RAPGEF1: variants seen among roughly 807,000 people sequenced by gnomAD.
The protein encoded by RAPGEF1 is Rap guanine nucleotide exchange factor 1, also known as CRK SH3-binding GNRP.
Under a neutral mutation model 143.3 loss-of-function variants are expected in RAPGEF1, and 33 were observed. That is an observed-to-expected ratio of 0.23 (90% CI 0.17 to 0.31). RAPGEF1 has a LOEUF of 0.31. Ranked by LOEUF, RAPGEF1 falls within the 10% of genes least tolerant of loss-of-function variation. The pLI is 1.00. For synonymous variants in RAPGEF1, 629 were observed against 676.5 expected (o/e 0.93, Z 1.09); for missense variants, 1,199 against 1,645.4 (o/e 0.73, Z 4.69).
chr9:131,687,192 CTTTTG>C (rs1267728094), intron 1 of RAPGEF1, among the ~76,000 whole-genome samples: 4 of 151,904 alleles, frequency 2.6e-5, no homozygotes, highest in East Asian at 1.9e-4. Flanking sequence ...TTTTTTTGTT[CTTTTG>C]TTTTATTTTT....
At chr9:131,671,215 ATCCTC>A (rs1350747975) in intron 1 of RAPGEF1, among the ~76,000 whole-genome samples, 1 of 152,224 alleles carries the variant, frequency 6.6e-6, no homozygotes, top group Non-Finnish European at 1.5e-5. Context: ...CAGCAGCTGT[ATCCTC>A]TAAGTCTCCT....
At position 131,587,596 on chromosome 9, in the gene RAPGEF1, T is replaced by C. The variant is rs115777555; in HGVS notation, c.3233+140A>G. 4,376 of 796,534 alleles carry C rather than the reference T, an allele frequency of 5.5e-3. 160 individuals are homozygous for C. The African/African-American group carries it at 0.067, about 12-fold the overall frequency. The allele number at this position is 796,534 out of a possible 1,614,324, so 49.3% of individuals were successfully genotyped here. A position where few individuals can be genotyped will look rare whatever the true frequency, so the allele number is the denominator to read the frequency against. ...CCTGTCCTCAGCCTGTCAGTGCTCA[T>C]GGGAACCCCCAGGAGCTTAGCGGAA... is the stretch of plus-strand genomic sequence containing the variant. On this transcript the variant is annotated intron_variant, in intron 22 of 26. Coordinates refer to ENST00000683357, the MANE Select transcript of RAPGEF1 (RefSeq NM_001377935.1).
At chr9:131,642,848 A>C (rs1436353576) in intron 4 of RAPGEF1, among the ~76,000 whole-genome samples, 1 of 152,230 alleles carries the variant, frequency 6.6e-6, no homozygotes, top group East Asian at 1.9e-4. Context: ...TCTGGCGATG[A>C]GTGGAAACAG....
intron 17 of RAPGEF1, among the ~76,000 whole-genome samples, chr9:131,595,071 G>C (rs561838396): frequency 2.8e-4 from 42 of 152,374 alleles, no homozygotes; most frequent in Non-Finnish European, 5.3e-4. Context: ...ATGCGGGGCA[G>C]GTTTCACACT....
chr9:131,716,848 C>T (rs1436032529), intron 1 of RAPGEF1, among the ~76,000 whole-genome samples: 1 of 152,206 alleles, frequency 6.6e-6, no homozygotes, highest in Admixed American at 6.5e-5. Flanking sequence ...CGTGGATTGG[C>T]ATTCAAGGCC....
Position 131,699,502 on chromosome 9 carries a change from C to T in RAPGEF1, c.61+40268G>A, listed in dbSNP as rs947733165. Among the ~76,000 whole-genome samples the T allele has an allele frequency of 2.2e-4, 34 of 152,298 alleles. No homozygotes were observed. The Middle Eastern group carries it at 0.01, about 46-fold the overall frequency. ...TAGGTGATCCGCCCGCCTCGGCCTC[C>T]CAAAGTGCTGGGATTACAGGCATGA... is the stretch of plus-strand genomic sequence containing the variant. On this transcript the variant is annotated intron_variant, in intron 1 of 26. Transcript: ENST00000683357.
chr9:131,666,490 G>T (rs1208091144), intron 1 of RAPGEF1, among the ~76,000 whole-genome samples: 3 of 152,026 alleles, frequency 2.0e-5, no homozygotes, highest in African/African-American at 7.3e-5. Context: ...GGGTTCAAGT[G>T]ATTCTTCTGC....
At chr9:131,661,586 T>C (rs1277150648) in intron 1 of RAPGEF1, among the ~76,000 whole-genome samples, 1 of 152,194 alleles carries the variant, frequency 6.6e-6, no homozygotes, top group Admixed American at 6.5e-5. Flanking sequence ...TCCTGATGTA[T>C]AGTATATTCC....
intron 19 of RAPGEF1, among the ~76,000 whole-genome samples, chr9:131,589,342 C>T (rs1195956336): frequency 6.6e-6 from 1 of 152,226 alleles, no homozygotes; most frequent in African/African-American, 2.4e-5. Flanking sequence ...GCCTCTCAGA[C>T]TAGATGCTCC....
intron 1 of RAPGEF1, among the ~76,000 whole-genome samples, chr9:131,678,835 C>T (rs961148790): frequency 6.6e-6 from 1 of 152,198 alleles, no homozygotes; most frequent in Non-Finnish European, 1.5e-5. Context: ...AGCCCTCTTC[C>T]TCCTCAGAGC....
intron 12 of RAPGEF1, among the ~76,000 whole-genome samples, chr9:131,612,073 AC>A (rs1958100411): frequency 6.6e-6 from 1 of 152,198 alleles, no homozygotes; most frequent in African/African-American, 2.4e-5. Context: ...CAGTAGCCTG[AC>A]GTGGAAGTAA....
intron 12 of RAPGEF1, among the ~76,000 whole-genome samples, chr9:131,606,590 G>A (rs1957154359): frequency 6.6e-6 from 1 of 152,164 alleles, no homozygotes; most frequent in African/African-American, 2.4e-5. Context: ...AGAGGAAGAA[G>A]AGGAAGAAAA....
At chr9:131,590,451 GA>G (rs916453934) in intron 18 of RAPGEF1, among the ~76,000 whole-genome samples, 3 of 152,242 alleles carry the variant, frequency 2.0e-5, no homozygotes, top group Middle Eastern at 3.4e-3. Context: ...CTCTGCAAGG[GA>G]ACTCTCACCT....
intron 1 of RAPGEF1, among the ~76,000 whole-genome samples, chr9:131,657,321 G>A (rs1003170295): frequency 6.6e-6 from 1 of 152,226 alleles, no homozygotes; most frequent in Non-Finnish European, 1.5e-5. Context: ...GGAGGGCGAC[G>A]TGAAGGGAGT....
rs749385470 is a variant in RAPGEF1 at position 131,592,092 on chromosome 9, A to G, written c.2774+7T>C. On this transcript the variant is annotated splice_region_variant and intron_variant, in intron 18 of 26. Transcript: ENST00000683357. ...GCAGGGGCCCTGGGTCAGGAAGGAA[A>G]GGATATCTGTACTGCAGCTTCTTGA... 5.0e-6 allele frequency: 8 copies of G among 1,600,504 alleles called. No individual in the cohort carries two copies. Among genetic ancestry groups the G allele is most frequent in the Non-Finnish European group, 6.0e-6 (7 of 1,167,806 alleles).
At chr9:131,640,790 C>T (rs1440671112) in intron 4 of RAPGEF1, among the ~76,000 whole-genome samples, 1 of 152,156 alleles carries the variant, frequency 6.6e-6, no homozygotes, top group Non-Finnish European at 1.5e-5. Flanking sequence ...AAGGACCTTC[C>T]AGCTCGCAAA....
intron 10 of RAPGEF1, among the ~76,000 whole-genome samples, chr9:131,623,417 T>C (rs535839266): frequency 1.8e-4 from 27 of 152,220 alleles, no homozygotes; most frequent in Admixed American, 1.5e-3. Context: ...CAGTGAGCTA[T>C]GGAAAAAAGA....
intron 12 of RAPGEF1, among the ~76,000 whole-genome samples, chr9:131,615,546 A>G (rs1038371897): frequency 6.6e-6 from 1 of 152,174 alleles, no homozygotes; most frequent in Non-Finnish European, 1.5e-5. Context: ...AGCCCAGCAA[A>G]CAGTCGAGTC....
At chr9:131,726,844 A>T (rs928325696) in intron 1 of RAPGEF1, among the ~76,000 whole-genome samples, 6 of 151,964 alleles carry the variant, frequency 3.9e-5, no homozygotes, top group Admixed American at 2.6e-4. Flanking sequence ...TACAAAAAAA[A>T]TTTTTTTAAA....
Sources: allele counts gnomAD v4.1 joint callset (sites outside exome capture counted in the v4.1 genomes callset), GRCh38; gene constraint gnomAD v4.1.1; transcripts MANE v1.5; gene names NCBI Gene and HGNC (gene_info 2026-07-23, HGNC 2026-07-21).